The following PCDHGA6 variants were observed in gnomAD, a reference collection of about 807,000 sequenced individuals.
PCDHGA6 encodes protocadherin gamma-A6.
Under a neutral mutation model 60.6 loss-of-function variants are expected in PCDHGA6, and 41 were observed. The ratio of observed to expected loss-of-function variants is 0.68; its 90% CI spans 0.53 to 0.88. PCDHGA6 has a LOEUF of 0.88. PCDHGA6 is among the 40% of genes least tolerant of loss of function. PCDHGA6 has a pLI of 0.00. For synonymous variants in PCDHGA6, 594 were observed against 524.4 expected, an observed-to-expected ratio of 1.13 and a Z score of -1.81; for missense variants, 1,312 against 1,203.0, an observed-to-expected ratio of 1.09 and a Z score of -1.34.
intron 1 of PCDHGA6, chr5:141,413,170 A>T (rs751830095): frequency 6.3e-7 from 1 of 1,595,602 alleles, no homozygotes; most frequent in South Asian, 1.1e-5. Context: ...CTGTAACCAG[A>T]CTACAATGGC....
At chr5:141,408,052 C>G in intron 1 of PCDHGA6, 1 of 1,283,102 alleles carries the variant, frequency 7.8e-7, no homozygotes, top group Non-Finnish European at 1.0e-6. Flanking sequence ...CACACAGAGC[C>G]TCCCGGCTGC....
chr5:141,511,093 G>A lies in PCDHGA6; in HGVS notation c.2719G>A (p.Ala907Thr), dbSNP rs377350933. The change falls in exon 4 of 4, where the codon GCA (alanine) becomes ACA (threonine). Residue 907 changes from alanine to threonine, a missense_variant. Physicochemically the swap from Ala to Thr is moderately conservative, Grantham distance 58. Coordinates refer to ENST00000517434, the MANE Select transcript of PCDHGA6 (RefSeq NM_018919.3). Reference protein sequence around the residue: ...IPGSNATLTNAAGKRDGKAPA... With the variant: ...IPGSNATLTNTAGKRDGKAPA... ...AGGCAGCAATGCCACACTGACCAACGCAGCTGGCAAGCGGGATGGCAAGGC... is the reference window on the plus strand; with the variant it reads ...AGGCAGCAATGCCACACTGACCAACACAGCTGGCAAGCGGGATGGCAAGGC... 8 of 1,614,072 alleles carry A rather than the reference G, an allele frequency of 5.0e-6. No individual in the cohort carries two copies. Among genetic ancestry groups the A allele is most frequent in the African/African-American group, 4.0e-5 (3 of 74,916 alleles).
intron 1 of PCDHGA6, chr5:141,427,307 T>C (rs745903769): frequency 4.4e-6 from 2 of 456,906 alleles, no homozygotes; most frequent in South Asian, 1.5e-5. Flanking sequence ...AGAATGACAA[T>C]GCCCCAGACG....
Position 141,415,578 on chromosome 5 carries a change from G to A in PCDHGA6, c.2424+39071G>A, listed in dbSNP as rs372519745. On this transcript the variant is annotated intron_variant, in intron 1 of 3. Transcript: ENST00000517434. ...ATCCTTTGTCTTTGTTAGATGATTCGAAGTTTCCTATAGAGGATACCCCAT... is the reference window on the plus strand; with the variant it reads ...ATCCTTTGTCTTTGTTAGATGATTCAAAGTTTCCTATAGAGGATACCCCAT... 678 of 1,613,890 alleles carry A rather than the reference G, an allele frequency of 4.2e-4. 10 individuals are homozygous for A. In the South Asian group the frequency reaches 6.8e-3, roughly 16 times the overall value.
At chr5:141,451,945 C>T (rs906800803) in intron 1 of PCDHGA6, among the ~76,000 whole-genome samples, 1 of 151,970 alleles carries the variant, frequency 6.6e-6, no homozygotes, top group Non-Finnish European at 1.5e-5. Flanking sequence ...AGGGAAAGAC[C>T]GAGAAAGTGA....
chr5:141,417,711 C>A, intron 1 of PCDHGA6: 1 of 1,261,876 alleles, frequency 7.9e-7, no homozygotes, highest in Non-Finnish European at 1.1e-6. Flanking sequence ...CACAGAGGCT[C>A]CCGGCTGCGC....
chr5:141,427,638 C>A, intron 1 of PCDHGA6: 1 of 708,528 alleles, frequency 1.4e-6, no homozygotes, highest in East Asian at 2.7e-5. Context: ...GGTTTTCCAC[C>A]AAGTCTCCTA....
chr5:141,489,091 T>C lies in PCDHGA6; in HGVS notation c.2425-5716T>C. 1 of 333,052 alleles carries C rather than the reference T, an allele frequency of 3.0e-6. No individual in the cohort carries two copies. The highest frequency in any genetic ancestry group is 5.5e-6 in the Non-Finnish European group (1 of 181,380). 20.6% of individuals were successfully genotyped at this position (333,052 alleles called of 1,614,324 possible). On this transcript the variant is annotated intron_variant, in intron 1 of 3. Coordinates refer to ENST00000517434, the MANE Select transcript of PCDHGA6 (RefSeq NM_018919.3). This position sits in a 1 kb window ranked among gnomAD's most constrained non-coding sequence, Gnocchi z 4.5. ...CTGCCCACCCCCGCCACTCGGTGAC[T>C]AAGAACTGCTGCAAGCAGGCAAACC...
At chr5:141,429,378 T>G (rs890583768) in intron 1 of PCDHGA6, among the ~76,000 whole-genome samples, 3 of 105,336 alleles carry the variant, frequency 2.8e-5, no homozygotes, top group African/African-American at 5.2e-5. Flanking sequence ...AGAAAATGTG[T>G]TTTTTTTTTA....
In PCDHGA6 at chr5:141,373,938, A is replaced by G. The variant is rs553053363; in HGVS notation, c.-146A>G. 2 of 705,416 alleles carry G rather than the reference A, an allele frequency of 2.8e-6. No individual in the cohort carries two copies. Among genetic ancestry groups the G allele is most frequent in the Admixed American group, 3.6e-5 (1 of 27,400 alleles). 43.7% of individuals were successfully genotyped at this position (705,416 alleles called of 1,614,324 possible). On this transcript the variant is annotated 5_prime_UTR_variant, in exon 1 of 4. Coordinates refer to ENST00000517434, the MANE Select transcript of PCDHGA6 (RefSeq NM_018919.3). Reference sequence around the variant, plus strand: ...AGCAAATTAGACGGGAAAGCAGGAAAGCTGTGCAGAAATTCTGACCTGAAA... The same window carrying G: ...AGCAAATTAGACGGGAAAGCAGGAAGGCTGTGCAGAAATTCTGACCTGAAA...
At chr5:141,418,344 T>G (rs746519142) in intron 1 of PCDHGA6, 1 of 1,614,008 alleles carries the variant, frequency 6.2e-7, no homozygotes, top group Non-Finnish European at 8.5e-7. Context: ...GATCCTGATA[T>G]TAGTATGAAT....
chr5:141,433,987 T>C (rs1332689630), intron 1 of PCDHGA6, among the ~76,000 whole-genome samples: 1 of 152,252 alleles, frequency 6.6e-6, no homozygotes, highest in Non-Finnish European at 1.5e-5. Context: ...GAAGAAGAGT[T>C]TTATATTCTC....
intron 1 of PCDHGA6, among the ~76,000 whole-genome samples, chr5:141,463,479 C>T (rs1162346496): frequency 4.1e-5 from 5 of 120,544 alleles, no homozygotes; most frequent in Non-Finnish European, 8.1e-5. Flanking sequence ...GATGGAGTCT[C>T]GCTCTGTCAC....
At chr5:141,410,481 G>A in intron 1 of PCDHGA6, 2 of 1,613,966 alleles carry the variant, frequency 1.2e-6, no homozygotes, top group Non-Finnish European at 1.7e-6. Context: ...GCACATACGG[G>A]TACAAAAGAG....
intron 1 of PCDHGA6, chr5:141,388,006 T>C (rs1353495946): frequency 6.7e-7 from 1 of 1,482,372 alleles, no homozygotes; most frequent in African/African-American, 1.4e-5. Flanking sequence ...CCCGAGGAAA[T>C]GCCCAAGGGC....
At chr5:141,405,380 A>G in intron 1 of PCDHGA6, 1 of 1,602,960 alleles carries the variant, frequency 6.2e-7, no homozygotes, top group Non-Finnish European at 8.5e-7. Context: ...GGTTCCGGTG[A>G]GTTCATTTTT....
chr5:141,414,624 G>A (rs764233527), intron 1 of PCDHGA6: 5 of 1,613,814 alleles, frequency 3.1e-6, no homozygotes, highest in African/African-American at 2.7e-5. Flanking sequence ...CGCTGGACCC[G>A]GACAGCAAAG....
Position 141,374,549 on chromosome 5 carries a change from G to C in PCDHGA6, c.466G>C (p.Glu156Gln). The change falls in exon 1 of 4, where the codon GAG becomes CAG. Residue 156 changes from glutamate to glutamine, a missense_variant. Transcript: ENST00000517434. ...TCCATCCTCTCGTTTTCCACTAATG[G>C]AGGTCTATGACCCTGATGTGGGAAT... ...AAPSSRFPLM[E>Q]VYDPDVGMNS... The C allele has an allele frequency of 6.2e-7, 1 of 1,613,404 alleles. No individual in the cohort carries two copies. Among genetic ancestry groups the C allele is most frequent in the Non-Finnish European group, 8.5e-7 (1 of 1,179,480 alleles).
intron 1 of PCDHGA6, chr5:141,413,606 TA>T (rs778210256): frequency 6.8e-6 from 11 of 1,613,848 alleles, no homozygotes; most frequent in Admixed American, 5.0e-5. Context: ...AATCTAGACG[TA>T]AAAATTAATG....
Sources: allele counts gnomAD v4.1 joint callset (sites outside exome capture counted in the v4.1 genomes callset), GRCh38; gene constraint gnomAD v4.1.1; non-coding constraint Gnocchi (gnomAD v3.1); transcripts MANE v1.5; gene names NCBI Gene and HGNC (gene_info 2026-07-23, HGNC 2026-07-21).